The following ENPP3 variants were observed in gnomAD, a reference collection of about 807,000 sequenced individuals.
The protein encoded by ENPP3 is ectonucleotide pyrophosphatase/phosphodiesterase 3, also known as ectonucleotide pyrophosphatase/phosphodiesterase family member 3.
A neutral mutation model predicts 117.8 loss-of-function variants in ENPP3; 104 were observed. The observed-to-expected ratio is 0.88, with a 90% CI of 0.75 to 1.04. The LOEUF (loss-of-function observed/expected upper bound fraction) is 1.04. ENPP3 is among the 50% of genes least tolerant of loss of function. The pLI is 0.00. For missense variants in ENPP3, 1,026 were observed against 1,051.9 expected (o/e 0.98, Z 0.34); for synonymous variants, 380 against 349.9 (o/e 1.09, Z -0.96).
At chr6:131,721,954 G>A (rs1380161409) in intron 17 of ENPP3, among the ~76,000 whole-genome samples, 1 of 152,136 alleles carries the variant, frequency 6.6e-6, no homozygotes, top group African/African-American at 2.4e-5. Context: ...CAAACTCCCA[G>A]GCTCAAGCAA....
chr6:131,660,819 G>C (rs375150029), intron 6 of ENPP3, among the ~76,000 whole-genome samples: 6 of 152,154 alleles, frequency 3.9e-5, no homozygotes, highest in African/African-American at 1.4e-4. Context: ...ATGTTGTACA[G>C]CAGATCCCTA....
intron 14 of ENPP3, 141 bp from the exon 15 acceptor site, chr6:131,693,356 G>A (rs1388795689): frequency 3.0e-6 from 2 of 660,300 alleles, no homozygotes; most frequent in Non-Finnish European, 5.0e-6. Flanking sequence ...ATTGATAATA[G>A]GTTTAATATT....
chr6:131,652,881 T>C lies in ENPP3; in HGVS notation c.454T>C (p.Cys152Arg), dbSNP rs1778294806. The change falls in exon 5 of 25, where the codon TGC becomes CGC. Residue 152 changes from cysteine to arginine, a missense_variant. Cys to Arg is a radical substitution (Grantham distance 180). Transcript: ENST00000357639. ...ENCDTAQQSQ[C>R]PEGFDLPPVI... ...CTGTGACACAGCCCAGCAGTCTCAG[T>C]GCCCAGAAGGGTGAGCATGACTGAT... 1 of 1,611,452 alleles carries C rather than the reference T, an allele frequency of 6.2e-7. No homozygotes were observed. The highest frequency in any genetic ancestry group is 2.2e-5 in the East Asian group (1 of 44,870).
intron 21 of ENPP3, among the ~76,000 whole-genome samples, chr6:131,734,806 G>C (rs947525705): frequency 2.6e-5 from 4 of 151,488 alleles, no homozygotes; most frequent in African/African-American, 9.7e-5. Context: ...GGAGGCTGAG[G>C]AATGAGAATG....
At position 131,702,340 on chromosome 6, in the gene ENPP3, C is replaced by A. The variant is rs1483798106; in HGVS notation, c.1412+8716C>A. ...TCACCTCTTAAACTTTCCACTCTTG[C>A]ACTGATCATCACCTCCACAGCATAT... On this transcript the variant is annotated intron_variant, in intron 15 of 24. Coordinates refer to ENST00000357639, the MANE Select transcript of ENPP3 (RefSeq NM_005021.5). 5.6e-3 allele frequency among the ~76,000 whole-genome samples: 838 copies of A among 148,954 alleles called. 7 individuals carry two copies. The highest frequency in any genetic ancestry group is 0.02 in the African/African-American group (798 of 38,938).
intron 15 of ENPP3, among the ~76,000 whole-genome samples, chr6:131,699,235 C>CAAAAAAAAA (rs4053087): frequency 0.02 from 2,147 of 106,378 alleles, 12 homozygotes; most frequent in African/African-American, 0.055. Context: ...AAGACTGTCT[C>CAAAAAAAAA]AAAAAAAAAA....
intron 14 of ENPP3, among the ~76,000 whole-genome samples, chr6:131,693,136 C>CA (rs1164414754): frequency 2.8e-5 from 4 of 143,376 alleles, no homozygotes; most frequent in African/African-American, 8.1e-5. Flanking sequence ...CACACACACA[C>CA]CCCCAGGAAT....
At chr6:131,656,287 T>C (rs1026525532) in intron 5 of ENPP3, among the ~76,000 whole-genome samples, 1 of 152,170 alleles carries the variant, frequency 6.6e-6, no homozygotes, top group Non-Finnish European at 1.5e-5. Flanking sequence ...ATGGATGCAA[T>C]GTTCAAGTTT....
intron 22 of ENPP3, among the ~76,000 whole-genome samples, 169 bp from the exon 23 acceptor site, chr6:131,737,862 G>A (rs1562482942): frequency 2.0e-5 from 3 of 152,134 alleles, no homozygotes; most frequent in Non-Finnish European, 4.4e-5. Flanking sequence ...TATCATCAAT[G>A]TGGCTGTTTA....
intron 15 of ENPP3, among the ~76,000 whole-genome samples, chr6:131,717,351 GGTGT>G (rs71030754): frequency 0.25 from 22,496 of 88,310 alleles, 2,288 homozygotes; most frequent in Middle Eastern, 0.28. Context: ...CCCTGCGGGG[GGTGT>G]GTGTGTGTGT....
At chr6:131,669,681 AAAGAAAG>A (rs1778698947) in intron 6 of ENPP3, among the ~76,000 whole-genome samples, 1 of 135,536 alleles carries the variant, frequency 7.4e-6, no homozygotes, top group Non-Finnish European at 1.6e-5. Flanking sequence ...AAAAAAAAAG[AAAGAAAG>A]AAGGAAAAGT....
intron 15 of ENPP3, among the ~76,000 whole-genome samples, chr6:131,717,568 A>C (rs1779925812): frequency 6.6e-6 from 1 of 152,164 alleles, no homozygotes; most frequent in Admixed American, 6.5e-5. Flanking sequence ...CTATTTTCCA[A>C]GTATGAAAAA....
chr6:131,679,252 G>A (rs1471687392), intron 11 of ENPP3, among the ~76,000 whole-genome samples: 4 of 151,252 alleles, frequency 2.6e-5, no homozygotes, highest in Non-Finnish European at 5.9e-5. Context: ...GCGCCACCAC[G>A]CTAGGCTAAT....
At chr6:131,727,741 TAAAGAC>T (rs956351308) in intron 20 of ENPP3, among the ~76,000 whole-genome samples, 25 of 152,278 alleles carry the variant, frequency 1.6e-4, no homozygotes, top group African/African-American at 6.0e-4. Flanking sequence ...TTTAGACTTT[TAAAGAC>T]AAAGCTATAC....
chr6:131,728,816 G>A lies in ENPP3; in HGVS notation c.1953+2616G>A, dbSNP rs1222142057. On this transcript the variant is annotated intron_variant, in intron 20 of 24. Transcript: ENST00000357639. ...GGAAGTAGTTGTGATTTGAAATCAT[G>A]GTCGTAGAACAGCTGATTCAAAACC... Among the ~76,000 whole-genome samples the A allele has an allele frequency of 3.9e-5, 6 of 152,224 alleles. No homozygotes were observed. The East Asian group carries it at 1.2e-3, about 29-fold the overall frequency.
intron 11 of ENPP3, among the ~76,000 whole-genome samples, chr6:131,679,007 T>TC (rs1778949921): frequency 1.2e-5 from 1 of 84,600 alleles, no homozygotes; most frequent in African/African-American, 5.1e-5. Context: ...CCTTGCTTCC[T>TC]TCCTTCCTTC....
chr6:131,670,802 T>G (rs1259710293), intron 6 of ENPP3, among the ~76,000 whole-genome samples: 2 of 152,184 alleles, frequency 1.3e-5, no homozygotes, highest in African/African-American at 4.8e-5. Context: ...TGTTTTACAT[T>G]TTTAAATGGT....
intron 1 of ENPP3, among the ~76,000 whole-genome samples, chr6:131,639,409 C>T (rs555587266): frequency 1.3e-5 from 2 of 151,468 alleles, no homozygotes; most frequent in South Asian, 4.2e-4. Context: ...CTCAGCCTCC[C>T]GAGTAGCTGG....
chr6:131,695,092 G>A (rs1413156220), intron 15 of ENPP3, among the ~76,000 whole-genome samples: 1 of 149,772 alleles, frequency 6.7e-6, no homozygotes, highest in Non-Finnish European at 1.5e-5. Context: ...ATGGGTGGCT[G>A]TACTGTGGCT....
Sources: gnomAD v4.1 joint callset for allele counts (sites outside exome capture counted in the v4.1 genomes callset) on GRCh38, gnomAD v4.1.1 for gene constraint, MANE v1.5 for transcripts, NCBI Gene and HGNC (gene_info 2026-07-23, HGNC 2026-07-21) for gene names.